The following FGD3 variants were observed in gnomAD, a reference collection of about 807,000 sequenced individuals.
FGD3 encodes the protein FYVE, RhoGEF and PH domain containing 3, also known as FYVE, RhoGEF and PH domain-containing protein 3.
In FGD3, 45 loss-of-function variants were observed where a neutral mutation model predicts 71.8. That is an observed-to-expected ratio of 0.63 (90% CI 0.49 to 0.80). FGD3 has a LOEUF of 0.80. Ranked by LOEUF, FGD3 falls within the 30% of genes least tolerant of loss-of-function variation. The pLI, the probability that FGD3 is intolerant of heterozygous loss-of-function variation, is 0.00. For missense variants in FGD3, 844 were observed against 951.5 expected (o/e 0.89, Z 1.49); for synonymous variants, 378 against 392.8 (o/e 0.96, Z 0.44).
intron 3 of FGD3, among the ~76,000 whole-genome samples, chr9:92,990,910 T>G (rs1282474361): frequency 1.3e-5 from 2 of 152,210 alleles, no homozygotes; most frequent in Non-Finnish European, 2.9e-5. Flanking sequence ...CTGGTTTTGG[T>G]ATCAAGGTTA....
At chr9:92,998,581 G>A (rs1860737396) in intron 3 of FGD3, among the ~76,000 whole-genome samples, 1 of 152,262 alleles carries the variant, frequency 6.6e-6, no homozygotes, top group Admixed American at 6.5e-5. Context: ...CAGCTTTTCT[G>A]CTCTGGTTTC....
At chr9:93,021,615 A>T (rs1861922918) in intron 13 of FGD3, among the ~76,000 whole-genome samples, 2 of 151,986 alleles carry the variant, frequency 1.3e-5, no homozygotes, top group Non-Finnish European at 2.9e-5. Context: ...ACCAGGCATG[A>T]CTCAGAGTGA....
chr9:92,989,478 T>A (rs1860317029), intron 3 of FGD3, among the ~76,000 whole-genome samples: 1 of 152,242 alleles, frequency 6.6e-6, no homozygotes, highest in South Asian at 2.1e-4. Flanking sequence ...CTGATACTGG[T>A]TTCAATCAAT....
intron 6 of FGD3, 126 bp downstream of exon 6, chr9:93,006,306 A>G: frequency 9.2e-7 from 1 of 1,092,152 alleles, no homozygotes; most frequent in Non-Finnish European, 1.2e-6. Context: ...CATTACTAAA[A>G]TTTTGGAACA....
At chr9:92,957,279 A>G (rs1249330454) in intron 1 of FGD3, among the ~76,000 whole-genome samples, 1 of 152,204 alleles carries the variant, frequency 6.6e-6, no homozygotes, top group African/African-American at 2.4e-5. Flanking sequence ...AATGCCAAAC[A>G]GTTTTCCAAA....
At chr9:92,988,446 TCC>T (rs1280336021) in intron 3 of FGD3, among the ~76,000 whole-genome samples, 13 of 152,190 alleles carry the variant, frequency 8.5e-5, no homozygotes, top group South Asian at 2.1e-4. Context: ...CTTATCTGCC[TCC>T]TGCATCTATC....
At chr9:92,963,001 C>T (rs1437170948) in intron 1 of FGD3, among the ~76,000 whole-genome samples, 3 of 151,874 alleles carry the variant, frequency 2.0e-5, no homozygotes, top group African/African-American at 7.3e-5. Flanking sequence ...GGCCACAGCA[C>T]CCATGCGTCC....
At chr9:93,002,093 G>A (rs527449656) in intron 3 of FGD3, among the ~76,000 whole-genome samples, 2 of 152,186 alleles carry the variant, frequency 1.3e-5, no homozygotes, top group East Asian at 3.8e-4. Flanking sequence ...GGCATTTTCA[G>A]TGAAAACTTC....
chr9:92,967,502 G>T (rs1305807230), intron 1 of FGD3, among the ~76,000 whole-genome samples: 1 of 152,156 alleles, frequency 6.6e-6, no homozygotes, highest in Non-Finnish European at 1.5e-5. Context: ...GTCCCTTTGT[G>T]ACTAGCTTAT....
intron 8 of FGD3, 104 bp downstream of exon 8, chr9:93,011,376 C>T (rs1019864095): frequency 3.6e-6 from 5 of 1,379,870 alleles, no homozygotes; most frequent in Non-Finnish European, 5.1e-6. Flanking sequence ...TGGGGGGCTC[C>T]ACAAGTGACT....
chr9:92,989,762 C>T (rs1224426771), intron 3 of FGD3, among the ~76,000 whole-genome samples: 1 of 152,144 alleles, frequency 6.6e-6, no homozygotes, highest in African/African-American at 2.4e-5. Context: ...ATAGGGCAGC[C>T]ACCTGTGGAG....
In FGD3 at chr9:93,003,458, G is replaced by A. The variant is rs1860935443; in HGVS notation, c.543+444G>A. 6.6e-6 allele frequency among the ~76,000 whole-genome samples: 1 copy of A among 151,650 alleles called. No individual in the cohort carries two copies. Among genetic ancestry groups the A allele is most frequent in the African/African-American group, 2.4e-5 (1 of 41,428 alleles). ...AACTTATTTTTTGTTTTCAGTGCTT[G>A]TAGCTCTGAGGAGAAGGCTTTGCCA... On this transcript the variant is annotated intron_variant, in intron 4 of 17. Coordinates refer to ENST00000375482, the MANE Select transcript of FGD3 (RefSeq NM_001083536.2). This position sits in a 1 kb window ranked among gnomAD's most constrained non-coding sequence, Gnocchi z 4.1.
At position 92,969,342 on chromosome 9, in the gene FGD3, G is replaced by A. The variant is rs1291737849; in HGVS notation, c.-217-5896G>A. Among the ~76,000 whole-genome samples the A allele has an allele frequency of 6.6e-6, 1 of 152,234 alleles. No individual in the cohort carries two copies. On this transcript the variant is annotated intron_variant, in intron 1 of 17. Transcript: ENST00000375482. This position sits in a 1 kb window ranked among gnomAD's most constrained non-coding sequence, Gnocchi z 4.5. ...CACAGTGAGGTGCTGGCTTCCAAGTGTGAGAGCCCAGAGCTGTCTTCCCTC... is the reference window on the plus strand; with the variant it reads ...CACAGTGAGGTGCTGGCTTCCAAGTATGAGAGCCCAGAGCTGTCTTCCCTC...
chr9:93,014,424 G>C (rs1187356478), intron 9 of FGD3, among the ~76,000 whole-genome samples: 2 of 151,972 alleles, frequency 1.3e-5, no homozygotes, highest in Admixed American at 6.6e-5. Context: ...GACCCCCCCG[G>C]GTGCCATGGC....
At chr9:92,950,278 A>G (rs1309906188) in intron 1 of FGD3, among the ~76,000 whole-genome samples, 3 of 151,970 alleles carry the variant, frequency 2.0e-5, no homozygotes, top group South Asian at 2.1e-4. Flanking sequence ...TTAGCCGGGC[A>G]TGGTGGCGGG....
At chr9:92,967,820 G>A (rs912254531) in intron 1 of FGD3, among the ~76,000 whole-genome samples, 1 of 152,132 alleles carries the variant, frequency 6.6e-6, no homozygotes. Flanking sequence ...TGATCCGCCC[G>A]CCTCGGCCTC....
chr9:93,011,330 G>A lies in FGD3; in HGVS notation c.1035+58G>A, dbSNP rs1861361677. On this transcript the variant is annotated intron_variant, in intron 8 of 17. Transcript: ENST00000375482. ...GTGGTGCAGCAAGAGTGAGGGCCAGGGGCCCTTGTGGGCCAGCCCCTTTGC... is the reference window on the plus strand; with the variant it reads ...GTGGTGCAGCAAGAGTGAGGGCCAGAGGCCCTTGTGGGCCAGCCCCTTTGC... The A allele has an allele frequency of 3.1e-6, 5 of 1,588,440 alleles. No individual in the cohort carries two copies. The Admixed American group carries it at 5.0e-5, about 16-fold the overall frequency.
intron 2 of FGD3, 56 bp from the exon 3 acceptor site, chr9:92,976,152 G>A: frequency 9.1e-7 from 1 of 1,098,672 alleles, no homozygotes; most frequent in Non-Finnish European, 1.3e-6. Flanking sequence ...GGTTGCACCT[G>A]AGGGTGCTGG....
intron 3 of FGD3, among the ~76,000 whole-genome samples, chr9:92,990,813 T>C (rs1860376606): frequency 6.6e-6 from 1 of 152,200 alleles, no homozygotes; most frequent in South Asian, 2.1e-4. Flanking sequence ...CTGTTGGATT[T>C]GGTTTGCGGG....
Sources: gnomAD v4.1 joint callset for allele counts (sites outside exome capture counted in the v4.1 genomes callset) on GRCh38, gnomAD v4.1.1 for gene constraint, Gnocchi (gnomAD v3.1) non-coding constraint, MANE v1.5 for transcripts, NCBI Gene and HGNC (gene_info 2026-07-23, HGNC 2026-07-21) for gene names.